The following SCARA3 variants were observed in gnomAD, a reference collection of about 807,000 sequenced individuals.
The protein encoded by SCARA3 is scavenger receptor class A member 3.
In SCARA3, 39 loss-of-function variants were observed where a neutral mutation model predicts 47.0. The ratio of observed to expected loss-of-function variants is 0.83; its 90% CI spans 0.64 to 1.08. The LOEUF is 1.08. SCARA3 is among the 50% of genes least tolerant of loss of function. The pLI is 0.00. For missense variants in SCARA3, 724 were observed against 792.3 expected, an observed-to-expected ratio of 0.91 and a Z score of 1.04; for synonymous variants, 356 against 334.1, an observed-to-expected ratio of 1.07 and a Z score of -0.71.
At chr8:27,689,559 C>G in the SCARA3 span, among the ~76,000 whole-genome samples, 2 of 152,208 alleles carry the variant, frequency 1.3e-5, no homozygotes, top group African/African-American at 2.4e-5. Context: ...CCAAGGCCCT[C>G]TCTTCGAAGA....
the SCARA3 span, among the ~76,000 whole-genome samples, chr8:27,711,125 T>C: frequency 6.6e-6 from 1 of 152,130 alleles, no homozygotes; most frequent in African/African-American, 2.4e-5. Context: ...TTTCTCCATG[T>C]TGGTCAGGCT....
At chr8:27,712,364 C>T in the SCARA3 span, among the ~76,000 whole-genome samples, 1 of 151,768 alleles carries the variant, frequency 6.6e-6, no homozygotes, top group South Asian at 2.1e-4. Context: ...GAGATCGAGA[C>T]CATCCCGGCT....
At chr8:27,685,628 TC>T in the SCARA3 span, among the ~76,000 whole-genome samples, 23 of 152,178 alleles carry the variant, frequency 1.5e-4, no homozygotes. Flanking sequence ...AATGCCCACA[TC>T]TTTCAGAAAG....
At chr8:27,664,787 C>T (rs1032377423) in intron 5 of SCARA3, among the ~76,000 whole-genome samples, 1 of 149,250 alleles carries the variant, frequency 6.7e-6, no homozygotes, top group Non-Finnish European at 1.5e-5. Flanking sequence ...GTGTGGAGTT[C>T]CATGACTAGG....
At chr8:27,716,576 C>T in the SCARA3 span, among the ~76,000 whole-genome samples, 1 of 152,046 alleles carries the variant, frequency 6.6e-6, no homozygotes, top group African/African-American at 2.4e-5. Flanking sequence ...AGTAAAGAAA[C>T]AAGCAAATAC....
At chr8:27,639,753 A>T (rs779462211) in intron 1 of SCARA3, among the ~76,000 whole-genome samples, 4 of 152,170 alleles carry the variant, frequency 2.6e-5, no homozygotes, top group African/African-American at 4.8e-5. Context: ...CTTGTAAAGG[A>T]GCCAAGAGGA....
intron 5 of SCARA3, among the ~76,000 whole-genome samples, chr8:27,668,198 G>A (rs572879836): frequency 6.6e-6 from 1 of 152,190 alleles, no homozygotes; most frequent in Non-Finnish European, 1.5e-5. Flanking sequence ...GGGGCTGGTC[G>A]GGAGGAGGGA....
At chr8:27,639,925 G>A (rs190904430) in intron 1 of SCARA3, among the ~76,000 whole-genome samples, 41 of 152,274 alleles carry the variant, frequency 2.7e-4, no homozygotes, top group Non-Finnish European at 1.5e-5. Flanking sequence ...GGCCAGAGGG[G>A]CTGAGTGGAT....
chr8:27,703,844 C>CTTTTTTTTTTTTTTTTTTTTT, the SCARA3 span: 23 of 54,524 alleles, frequency 4.2e-4, 3 homozygotes, highest in African/African-American at 1.4e-3. Context: ...GTGCTTTCTA[C>CTTTTTTTTTTTTTTTTTTTTT]TTTTTTTTTT....
intron 1 of SCARA3, 88 bp downstream of exon 1, chr8:27,634,295 C>T (rs1801199853): frequency 3.3e-6 from 4 of 1,197,330 alleles, no homozygotes; most frequent in Non-Finnish European, 4.2e-6. Context: ...TTTCTGCAGG[C>T]GAGGCTGAGA....
chr8:27,714,942 C>T, the SCARA3 span, among the ~76,000 whole-genome samples: 128 of 152,138 alleles, frequency 8.4e-4, 1 homozygote, highest in African/African-American at 2.9e-3. Flanking sequence ...TTCTTTGAGA[C>T]AGGATCTTGC....
intron 1 of SCARA3, among the ~76,000 whole-genome samples, chr8:27,647,116 C>T (rs1395046528): frequency 6.6e-6 from 1 of 152,110 alleles, no homozygotes; most frequent in Non-Finnish European, 1.5e-5. Context: ...CCTCACACCA[C>T]ACATACACAG....
rs1277078950 is a variant in SCARA3, at chr8:27,658,851, G to A, written c.681G>A (p.Val227=). The A allele has an allele frequency of 6.2e-7, 1 of 1,614,040 alleles. No individual in the cohort carries two copies. Among genetic ancestry groups the A allele is most frequent in the Non-Finnish European group, 8.5e-7 (1 of 1,180,030 alleles). The change falls in exon 5 of 6, where the codon GTG becomes GTA. Residue 227 remains valine, a synonymous_variant. Coordinates refer to ENST00000301904, the MANE Select transcript of SCARA3 (RefSeq NM_016240.3). The part of the protein sequence containing the change: ...KAAVHQINFT[V]GQTSEWIHGI... ...CAGTGCACCAGATCAACTTCACCGT[G>A]GGGCAGACTTCCGAGTGGATCCACG... is the stretch of plus-strand genomic sequence containing the variant.
the SCARA3 span, among the ~76,000 whole-genome samples, chr8:27,704,513 C>T: frequency 6.6e-6 from 1 of 152,122 alleles, no homozygotes; most frequent in Non-Finnish European, 1.5e-5. Context: ...TTCACGGATT[C>T]CTGGATCTCA....
chr8:27,663,713 T>C (rs749878820), intron 5 of SCARA3, among the ~76,000 whole-genome samples: 49 of 152,192 alleles, frequency 3.2e-4, no homozygotes, highest in Admixed American at 2.9e-3. Context: ...CCTAAGGGAT[T>C]GTACTGATTC....
At chr8:27,673,777 C>G (rs1802218945), downstream of SCARA3, among the ~76,000 whole-genome samples, 1 of 152,166 alleles carries the variant, frequency 6.6e-6, no homozygotes, top group South Asian at 2.1e-4. Context: ...GAAGAGCCTC[C>G]TGGGCCACAG....
chr8:27,658,903 A>AC lies in SCARA3; in HGVS notation c.736dup (p.Leu246ProfsTer68), dbSNP rs747455741. On this transcript the variant is annotated frameshift_variant, in exon 5 of 6. Transcript: ENST00000301904. LOFTEE classifies it high-confidence loss of function. ...GATCCAGCGGAAGACAGACGAGGAG[A>AC]CCCTGACCCTCCAGAAGATTGTCAC... 1.9e-6 allele frequency: 3 copies of AC among 1,614,052 alleles called. No individual in the cohort carries two copies. The South Asian group carries it at 3.3e-5, about 18-fold the overall frequency.
chr8:27,676,715 G>T, downstream of SCARA3: 1 of 607,284 alleles, frequency 1.6e-6, no homozygotes, highest in Non-Finnish European at 2.9e-6. Context: ...TGAGACACTA[G>T]CCAATTGTGG....
At chr8:27,703,311 T>C in the SCARA3 span, 1 of 152,502 alleles carries the variant, frequency 6.6e-6, no homozygotes, top group Admixed American at 6.5e-5. Context: ...CAGGGATTCG[T>C]GCTGGGGGCA....
Sources: gnomAD v4.1 joint callset for allele counts (sites outside exome capture counted in the v4.1 genomes callset) on GRCh38, gnomAD v4.1.1 for gene constraint, MANE v1.5 for transcripts, NCBI Gene and HGNC (gene_info 2026-07-23, HGNC 2026-07-21) for gene names.